The following NEBL variants were observed in gnomAD, a reference collection of about 807,000 sequenced individuals.
The protein encoded by NEBL is nebulette, also known as LIM and SH3 protein 2.
Under a neutral mutation model 140.2 loss-of-function variants are expected in NEBL, and 122 were observed. The ratio of observed to expected loss-of-function variants is 0.87; its 90% CI spans 0.75 to 1.01. NEBL has a LOEUF of 1.01. Among genes scored for constraint, NEBL ranks in the 50% least tolerant of loss-of-function variants. The pLI is 0.00. For missense variants in NEBL, 1,365 were observed against 1,231.3 expected (o/e 1.11, Z -1.62); for synonymous variants, 436 against 398.9 (o/e 1.09, Z -1.11).
At chr10:21,069,458 G>A (rs911400776) in intron 2 of NEBL, among the ~76,000 whole-genome samples, 1 of 152,188 alleles carries the variant, frequency 6.6e-6, no homozygotes, top group African/African-American at 2.4e-5. Context: ...TCCAGAAATA[G>A]TTTGTCAAGC....
intron 2 of NEBL, among the ~76,000 whole-genome samples, chr10:21,050,260 T>G (rs1407556847): frequency 1.3e-5 from 2 of 152,258 alleles, no homozygotes; most frequent in Non-Finnish European, 2.9e-5. Context: ...TCACGGAAAC[T>G]ATCTGATTTC....
rs1435625229 is a variant in NEBL, at chr10:20,794,472, CCATT to C, written c.2762-7168_2762-7165del. The stretch of plus-strand genomic sequence containing the variant: ...ACTTATAGTGATAAAACAATTATCG[CCATT>C]ATTACTTTAAGATTGCAAATCTATT... On this transcript the variant is annotated intron_variant, in intron 26 of 27. Coordinates refer to ENST00000377122, the MANE Select transcript of NEBL (RefSeq NM_006393.3). 2.0e-5 allele frequency among the ~76,000 whole-genome samples: 3 copies of C among 152,104 alleles called. No individual in the cohort carries two copies. In the East Asian group the frequency reaches 5.8e-4, roughly 29 times the overall value.
chr10:20,973,405 G>A (rs1443925311), intron 3 of NEBL, among the ~76,000 whole-genome samples: 1 of 151,798 alleles, frequency 6.6e-6, no homozygotes, highest in Non-Finnish European at 1.5e-5. Flanking sequence ...GAGCAACCAT[G>A]TCCAGCTAAT....
chr10:20,935,241 A>C lies in NEBL; in HGVS notation c.357+26431T>G, dbSNP rs143267268. ...AGATGGAGATTTTGTATAATACACA[A>C]CATGGGTATCAATAACAAAGATCAC... On this transcript the variant is annotated intron_variant, in intron 4 of 6. Coordinates refer to the NEBL transcript ENST00000417816. Among the ~76,000 whole-genome samples, 1,253 of 152,340 alleles carry C rather than the reference A, an allele frequency of 8.2e-3. 19 individuals carry two copies. Among genetic ancestry groups the C allele is most frequent in the African/African-American group, 0.028 (1,154 of 41,578 alleles).
At chr10:21,126,101 C>T in intron 2 of NEBL, 1 of 1,613,110 alleles carries the variant, frequency 6.2e-7, no homozygotes, top group Non-Finnish European at 8.5e-7. Flanking sequence ...CCCTTCTCGG[C>T]TCTCCGTTCT....
At chr10:20,985,291 G>A (rs1417418111) in intron 3 of NEBL, among the ~76,000 whole-genome samples, 1 of 152,032 alleles carries the variant, frequency 6.6e-6, no homozygotes, top group African/African-American at 2.4e-5. Flanking sequence ...ATCTCAAACA[G>A]ATCACAGCAA....
At chr10:20,899,269 G>A (rs965504266), upstream of NEBL, 1 of 452,678 alleles carries the variant, frequency 2.2e-6, no homozygotes, top group South Asian at 2.1e-5. Context: ...TTCTAGGAGT[G>A]TAGGGAGAAA....
chr10:20,952,028 T>C (rs1835496551), intron 4 of NEBL, among the ~76,000 whole-genome samples: 1 of 152,182 alleles, frequency 6.6e-6, no homozygotes, highest in African/African-American at 2.4e-5. Flanking sequence ...CATTCTGAAC[T>C]ACATAATTCA....
At chr10:20,936,391 C>T (rs922908315) in intron 4 of NEBL, among the ~76,000 whole-genome samples, 1 of 152,124 alleles carries the variant, frequency 6.6e-6, no homozygotes, top group Non-Finnish European at 1.5e-5. Context: ...GCTGTTTATG[C>T]CTAACAGGCT....
chr10:20,984,732 C>G (rs1272331531), intron 3 of NEBL, among the ~76,000 whole-genome samples: 1 of 152,142 alleles, frequency 6.6e-6, no homozygotes, highest in African/African-American at 2.4e-5. Flanking sequence ...GGTCCCCAAC[C>G]CCCAGGCCAC....
At chr10:20,944,206 C>T (rs1410104722) in intron 4 of NEBL, among the ~76,000 whole-genome samples, 2 of 152,136 alleles carry the variant, frequency 1.3e-5, no homozygotes, top group Admixed American at 6.5e-5. Flanking sequence ...TCAAGACCAG[C>T]CTTGCCACCC....
chr10:21,105,860 C>T (rs541272307), intron 2 of NEBL, among the ~76,000 whole-genome samples: 28 of 152,284 alleles, frequency 1.8e-4, no homozygotes, highest in African/African-American at 6.0e-4. Flanking sequence ...TGTTTCCTGA[C>T]TTTTCAATGA....
chr10:20,924,398 C>T (rs1388472157), intron 4 of NEBL, among the ~76,000 whole-genome samples: 1 of 118,260 alleles, frequency 8.5e-6, no homozygotes. Flanking sequence ...CTATAGCTCT[C>T]GATCAGGCAT....
At chr10:20,832,431 T>A (rs951206633) in intron 14 of NEBL, among the ~76,000 whole-genome samples, 5 of 152,176 alleles carry the variant, frequency 3.3e-5, no homozygotes, top group Admixed American at 3.3e-4. Context: ...ATCTCTGTTT[T>A]TTTTTTAAGC....
At chr10:20,832,900 C>A (rs1840549300) in intron 14 of NEBL, among the ~76,000 whole-genome samples, 1 of 152,100 alleles carries the variant, frequency 6.6e-6, no homozygotes, top group South Asian at 2.1e-4. Flanking sequence ...TATTAATATT[C>A]AATTATTACT....
chr10:21,221,237 T>G (rs1334312532), intron 3 of NEBL, among the ~76,000 whole-genome samples: 1 of 152,114 alleles, frequency 6.6e-6, no homozygotes, highest in Non-Finnish European at 1.5e-5. Flanking sequence ...TATACATATA[T>G]AAAAATATCA....
chr10:21,035,055 G>A (rs1318066799), intron 2 of NEBL, among the ~76,000 whole-genome samples: 1 of 151,958 alleles, frequency 6.6e-6, no homozygotes, highest in Non-Finnish European at 1.5e-5. Flanking sequence ...CTGGAGTGCA[G>A]TGGTGCAATC....
intron 2 of NEBL, among the ~76,000 whole-genome samples, chr10:21,028,254 A>AGAAGAAGAAGAAGGAGAAGAAG (rs1554819369): frequency 1.4e-5 from 1 of 70,332 alleles, no homozygotes; most frequent in Non-Finnish European, 2.7e-5. Flanking sequence ...AAAAAAAAAA[A>AGAAGAAGAAGAAGGAGAAGAAG]AAGAAGAAGA....
chr10:21,231,487 C>T (rs1037481617), intron 3 of NEBL, among the ~76,000 whole-genome samples: 1 of 151,644 alleles, frequency 6.6e-6, no homozygotes, highest in Non-Finnish European at 1.5e-5. Context: ...TGCAATGAGC[C>T]GAGATGGCGC....
Sources: allele counts gnomAD v4.1 joint callset (sites outside exome capture counted in the v4.1 genomes callset), GRCh38; gene constraint gnomAD v4.1.1; transcripts MANE v1.5; gene names NCBI Gene and HGNC (gene_info 2026-07-23, HGNC 2026-07-21).